RPH3A: variants seen among roughly 807,000 people sequenced by gnomAD.
The protein encoded by RPH3A is rabphilin 3A.
RPH3A carries 48 observed loss-of-function variants against 102.2 expected under a neutral mutation model. The observed-to-expected ratio is 0.47, with a 90% CI of 0.37 to 0.60. The LOEUF is 0.60. RPH3A is among the 20% of genes least tolerant of loss of function. RPH3A has a pLI of 0.00. For synonymous variants in RPH3A, 310 were observed against 324.3 expected (o/e 0.96, Z 0.47); for missense variants, 781 against 910.1 (o/e 0.86, Z 1.83).
intron 1 of RPH3A, among the ~76,000 whole-genome samples, chr12:112,668,601 T>A (rs971925634): frequency 6.6e-6 from 1 of 151,324 alleles, no homozygotes; most frequent in Non-Finnish European, 1.5e-5. Flanking sequence ...TAAGAGGGAG[T>A]TGAACAATGA....
chr12:112,836,047 G>A (rs546821190), intron 3 of RPH3A, among the ~76,000 whole-genome samples: 29 of 152,144 alleles, frequency 1.9e-4, no homozygotes, highest in Non-Finnish European at 3.5e-4. Flanking sequence ...GCTGGTCTCC[G>A]GTCTAGAGTG....
chr12:112,823,921 G>A (rs113143694), intron 2 of RPH3A, among the ~76,000 whole-genome samples: 5,264 of 152,246 alleles, frequency 0.035, 302 homozygotes, highest in African/African-American at 0.12. Context: ...TTAGGATCAC[G>A]CTGTGTTGGA....
intron 1 of RPH3A, among the ~76,000 whole-genome samples, chr12:112,713,972 G>A (rs947384369): frequency 6.6e-6 from 1 of 152,156 alleles, no homozygotes; most frequent in Non-Finnish European, 1.5e-5. Flanking sequence ...CTAATCTCAC[G>A]GTGTGCCTCA....
At chr12:112,683,769 G>A (rs1029540922) in intron 1 of RPH3A, among the ~76,000 whole-genome samples, 1 of 152,124 alleles carries the variant, frequency 6.6e-6, no homozygotes, top group Non-Finnish European at 1.5e-5. Flanking sequence ...CTTCAGGATT[G>A]GGCCTGATCT....
intron 1 of RPH3A, among the ~76,000 whole-genome samples, chr12:112,731,613 C>T (rs1012777470): frequency 2.6e-5 from 4 of 152,190 alleles, no homozygotes; most frequent in African/African-American, 9.7e-5. Context: ...CCTCAACAGC[C>T]TCCTGGGTTT....
chr12:112,694,006 G>A (rs1566262216), intron 1 of RPH3A, among the ~76,000 whole-genome samples: 1 of 152,094 alleles, frequency 6.6e-6, no homozygotes, highest in Non-Finnish European at 1.5e-5. Flanking sequence ...TATCTAATTC[G>A]CTCTGCACAC....
intron 1 of RPH3A, among the ~76,000 whole-genome samples, chr12:112,646,097 G>C (rs74389555): frequency 6.6e-6 from 1 of 152,152 alleles, no homozygotes; most frequent in Non-Finnish European, 1.5e-5. Context: ...GGTGCCATGT[G>C]CTATGGGCAT....
chr12:112,847,844 T>A lies in RPH3A; in HGVS notation c.230+2T>A. ...AGAGATGGAGCAGGAGCGAATCGGG[T>A]GAGGCTTAACGCTTCCCATTCACCC... On this transcript the variant is annotated splice_donor_variant, in intron 5 of 21. Transcript: ENST00000389385. LOFTEE classifies it high-confidence loss of function. 6.2e-7 allele frequency: 1 copy of A among 1,613,792 alleles called. No homozygotes were observed. Among genetic ancestry groups the A allele is most frequent in the Non-Finnish European group, 8.5e-7 (1 of 1,179,874 alleles).
intron 1 of RPH3A, among the ~76,000 whole-genome samples, chr12:112,703,168 A>G (rs187853593): frequency 4.5e-4 from 68 of 152,322 alleles, no homozygotes; most frequent in African/African-American, 1.6e-3. Flanking sequence ...TGCTTGGGGT[A>G]GTTGTTGGTC....
At position 112,610,363 on chromosome 12, in the gene RPH3A, C is replaced by T. The variant is rs578199643; in HGVS notation, c.-140+35044C>T. 4.6e-5 allele frequency among the ~76,000 whole-genome samples: 7 copies of T among 151,886 alleles called. No individual in the cohort carries two copies. The East Asian group carries it at 5.9e-4, about 13-fold the overall frequency. The stretch of plus-strand genomic sequence containing the variant: ...ACTAAAAATACAAAAATTAGCTTGG[C>T]GTGGTGGTAGGCGCCTGTAATTCCA... On this transcript the variant is annotated intron_variant, in intron 1 of 21. Transcript: ENST00000543106.
intron 1 of RPH3A, among the ~76,000 whole-genome samples, chr12:112,741,196 A>G (rs1178365000): frequency 6.6e-6 from 1 of 152,276 alleles, no homozygotes; most frequent in African/African-American, 2.4e-5. Flanking sequence ...AAAACAGAAA[A>G]CAAGTTAAAA....
At chr12:112,688,835 A>G (rs1229419732) in intron 1 of RPH3A, among the ~76,000 whole-genome samples, 2 of 152,250 alleles carry the variant, frequency 1.3e-5, no homozygotes, top group Admixed American at 6.5e-5. Context: ...TCTTAGTGGA[A>G]TGCCTTGAAT....
chr12:112,714,742 T>C (rs1258990768), intron 1 of RPH3A, among the ~76,000 whole-genome samples: 1 of 152,148 alleles, frequency 6.6e-6, no homozygotes, highest in East Asian at 1.9e-4. Flanking sequence ...GGAGTGACGG[T>C]TGAGGATTTA....
chr12:112,836,438 C>A, intron 3 of RPH3A, 53 bp from the exon 4 acceptor site: 1 of 1,131,218 alleles, frequency 8.8e-7, no homozygotes, highest in Non-Finnish European at 1.3e-6. Context: ...GTTATGATTT[C>A]TTACCTAACT....
intron 1 of RPH3A, among the ~76,000 whole-genome samples, chr12:112,716,870 T>C (rs963291832): frequency 1.3e-5 from 2 of 152,228 alleles, no homozygotes; most frequent in African/African-American, 4.8e-5. Flanking sequence ...CAGGTACACA[T>C]TGGGCATATT....
intron 5 of RPH3A, among the ~76,000 whole-genome samples, chr12:112,852,698 C>T (rs984262632): frequency 1.3e-5 from 2 of 152,082 alleles, no homozygotes; most frequent in Non-Finnish European, 2.9e-5. Context: ...GAGCACTTCT[C>T]CTGAGCATAA....
intron 1 of RPH3A, among the ~76,000 whole-genome samples, chr12:112,694,652 A>ACG (rs779144400): frequency 6.2e-5 from 5 of 80,634 alleles, no homozygotes; most frequent in African/African-American, 1.6e-4. Context: ...GCGCACACGC[A>ACG]CACACACACA....
chr12:112,678,287 A>AGAGAGAGAGAG lies in RPH3A; in HGVS notation c.-140+102968_-140+102969insGAGAGAGAGAG, dbSNP rs1566255220. Among the ~76,000 whole-genome samples, 18 of 35,636 alleles carry AGAGAGAGAGAG rather than the reference A, an allele frequency of 5.1e-4. 1 individual carries two copies. The highest frequency in any genetic ancestry group is 2.2e-3 in the African/African-American group (11 of 5,082). 23.4% of individuals were successfully genotyped at this position (35,636 alleles called of 152,430 possible). On this transcript the variant is annotated intron_variant, in intron 1 of 21. Coordinates refer to the RPH3A transcript ENST00000543106. ...AAAGAAAGAAAGAAAGAAAGAAAGA[A>AGAGAGAGAGAG]AGAAAGAAAGAAAGAAAGAGAGAGA...
chr12:112,670,866 G>C (rs767308963), intron 1 of RPH3A, among the ~76,000 whole-genome samples: 1 of 152,134 alleles, frequency 6.6e-6, no homozygotes, highest in Non-Finnish European at 1.5e-5. Flanking sequence ...AACAAGACAC[G>C]AGGCCAGCCC....
Sources: allele counts gnomAD v4.1 joint callset (sites outside exome capture counted in the v4.1 genomes callset), GRCh38; gene constraint gnomAD v4.1.1; transcripts MANE v1.5; gene names NCBI Gene and HGNC (gene_info 2026-07-23, HGNC 2026-07-21).